Variants in ULBP1 observed in about 807,000 individuals in gnomAD.
The protein encoded by ULBP1 is UL16 binding protein 1.
Under a neutral mutation model 25.3 loss-of-function variants are expected in ULBP1, and 28 were observed. The ratio of observed to expected loss-of-function variants is 1.10; its 90% CI spans 0.82 to 1.51. ULBP1 has a LOEUF of 1.51. ULBP1 is among the 40% of genes most tolerant of loss of function. The probability of loss-of-function intolerance (pLI) is 0.00; values close to 1 mark genes in which losing one functional copy is unlikely to be tolerated. For synonymous variants in ULBP1, 129 were observed against 103.0 expected (o/e 1.25, Z -1.53); for missense variants, 348 against 290.9 (o/e 1.20, Z -1.43).
intron 1 of ULBP1, 78 bp downstream of exon 1, chr6:149,964,212 G>A: frequency 6.5e-7 from 1 of 1,537,590 alleles, no homozygotes; most frequent in Middle Eastern, 1.9e-4. Flanking sequence ...TTCAGAGGAG[G>A]GGAGGCTTCT....
intron 1 of ULBP1, 152 bp from the exon 2 acceptor site, chr6:149,968,455 A>G (rs1779242317): frequency 9.5e-7 from 1 of 1,049,092 alleles, no homozygotes; most frequent in Admixed American, 2.4e-5. Flanking sequence ...CTAGTCATTA[A>G]CTAGTTTTCA....
At chr6:149,967,095 C>T (rs1024779151) in intron 1 of ULBP1, among the ~76,000 whole-genome samples, 1 of 152,216 alleles carries the variant, frequency 6.6e-6, no homozygotes, top group Admixed American at 6.5e-5. Context: ...TAACTACAAA[C>T]ACTATCCATT....
Position 149,973,699 on chromosome 6 carries a change from T to C in ULBP1, c.*2353T>C, listed in dbSNP as rs1562497189. The C allele has an allele frequency of 6.6e-6, 1 of 152,244 alleles. No individual in the cohort carries two copies. Among genetic ancestry groups the C allele is most frequent in the African/African-American group, 2.4e-5 (1 of 41,462 alleles). 9.4% of individuals were successfully genotyped at this position (152,244 alleles called of 1,614,324 possible). On this transcript the variant is annotated 3_prime_UTR_variant, in exon 5 of 5. Transcript: ENST00000229708. ...GTGCCAAAACCCTACAATTAAACAC[T>C]GTATAATGGAATTACAGATGAGTTC...
chr6:149,970,241 C>T, intron 4 of ULBP1, 94 bp downstream of exon 4: 1 of 1,466,914 alleles, frequency 6.8e-7, no homozygotes, highest in Non-Finnish European at 9.1e-7. Flanking sequence ...AGGCCGGGAA[C>T]TTCTCATCCT....
chr6:149,970,250 C>G, intron 4 of ULBP1, 103 bp downstream of exon 4: 1 of 1,449,190 alleles, frequency 6.9e-7, no homozygotes, highest in East Asian at 2.5e-5. Flanking sequence ...ACTTCTCATC[C>G]TGACATTAGA....
rs1336030830 is a variant in ULBP1, at chr6:149,973,360, G to C, written c.*2014G>C. 2 of 152,128 alleles carry C rather than the reference G, an allele frequency of 1.3e-5. No individual in the cohort carries two copies. Among genetic ancestry groups the C allele is most frequent in the Non-Finnish European group, 2.9e-5 (2 of 68,026 alleles). The allele number at this position is 152,128 out of a possible 1,614,324, so 9.4% of individuals were successfully genotyped here. On this transcript the variant is annotated 3_prime_UTR_variant, in exon 5 of 5. Transcript: ENST00000229708. ...CCTGGGCTGAAAAACACACCTGTTGGGTATCATGCTTACTGTCTGGGCGAT... is the reference window on the plus strand; with the variant it reads ...CCTGGGCTGAAAAACACACCTGTTGCGTATCATGCTTACTGTCTGGGCGAT...
chr6:149,964,433 G>A (rs924025213), intron 1 of ULBP1, among the ~76,000 whole-genome samples: 15 of 149,664 alleles, frequency 1.0e-4, no homozygotes, highest in African/African-American at 3.5e-4. Context: ...CGCCGGGTCC[G>A]CTTCCTGCGG....
intron 1 of ULBP1, among the ~76,000 whole-genome samples, chr6:149,967,822 C>T (rs539897340): frequency 2.0e-5 from 3 of 152,260 alleles, no homozygotes; most frequent in East Asian, 1.9e-4. Flanking sequence ...TACCCCCAAC[C>T]CCGGCCTTCA....
intron 1 of ULBP1, among the ~76,000 whole-genome samples, chr6:149,965,069 G>A (rs1562493077): frequency 6.8e-6 from 1 of 147,924 alleles, no homozygotes; most frequent in African/African-American, 2.5e-5. Flanking sequence ...GCTTCTGGGT[G>A]GACCAGCGCG....
rs182740497 is a variant in ULBP1, at chr6:149,973,393, T to C, written c.*2047T>C. 1.7e-4 allele frequency: 26 copies of C among 152,296 alleles called. 1 individual carries two copies. The highest frequency in any genetic ancestry group is 1.2e-3 in the Admixed American group (19 of 15,308). 9.4% of individuals were successfully genotyped at this position (152,296 alleles called of 1,614,324 possible). On this transcript the variant is annotated 3_prime_UTR_variant, in exon 5 of 5. Transcript: ENST00000229708. ...GCTTACTGTCTGGGCGATGGGATCA[T>C]TGGGACACCAAGCCTCAGCTTCTCA...
chr6:149,968,504 C>A, intron 1 of ULBP1, 103 bp from the exon 2 acceptor site: 1 of 1,464,506 alleles, frequency 6.8e-7, no homozygotes, highest in Non-Finnish European at 9.2e-7. Context: ...TCTGCCAGCC[C>A]AGCCCCTCAG....
chr6:149,964,927 C>T (rs1779174300), intron 1 of ULBP1, among the ~76,000 whole-genome samples: 2 of 142,284 alleles, frequency 1.4e-5, no homozygotes, highest in African/African-American at 2.6e-5. Context: ...TGCGATCCCC[C>T]GAAACATTGC....
rs1206075489 is a variant in ULBP1, at chr6:149,969,372, G to T, written c.625+12G>T. On this transcript the variant is annotated intron_variant, in intron 3 of 4. Transcript: ENST00000229708. ...GCTGGATCCAACAAGTAAGTGAGAGGGGGATAAATGGAAGCTGTCTCGAGT... is the reference window on the plus strand; with the variant it reads ...GCTGGATCCAACAAGTAAGTGAGAGTGGGATAAATGGAAGCTGTCTCGAGT... The T allele has an allele frequency of 1.2e-6, 2 of 1,609,998 alleles. No individual in the cohort carries two copies. Among genetic ancestry groups the T allele is most frequent in the Non-Finnish European group, 1.7e-6 (2 of 1,177,022 alleles).
intron 3 of ULBP1, 119 bp from the exon 4 acceptor site, chr6:149,969,897 C>G: frequency 7.2e-7 from 1 of 1,380,814 alleles, no homozygotes; most frequent in Non-Finnish European, 9.8e-7. Context: ...GGTTGCCCCA[C>G]AGCAGAGGGG....
intron 4 of ULBP1, among the ~76,000 whole-genome samples, chr6:149,970,442 G>A (rs1490552773): frequency 1.3e-5 from 2 of 152,208 alleles, no homozygotes; most frequent in Admixed American, 1.3e-4. Flanking sequence ...GTTCCTATTC[G>A]GGATGGTGTG....
At position 149,972,724 on chromosome 6, in the gene ULBP1, C is replaced by T. The variant is rs1779339696; in HGVS notation, c.*1378C>T. The T allele has an allele frequency of 2.0e-5, 3 of 151,482 alleles. No homozygotes were observed. The highest frequency in any genetic ancestry group is 2.0e-4 in the Admixed American group (3 of 15,236). The allele number at this position is 151,482 out of a possible 1,614,324, so 9.4% of individuals were successfully genotyped here. A position where few individuals can be genotyped will look rare whatever the true frequency, so the allele number is the denominator to read the frequency against. On this transcript the variant is annotated 3_prime_UTR_variant, in exon 5 of 5. Coordinates refer to ENST00000229708, the MANE Select transcript of ULBP1 (RefSeq NM_025218.4). ...TGAACAGACACTTTTCAAAAGAAGA[C>T]CTACAATTGGCCAACAAACATGAAA...
At chr6:149,969,467 C>G in intron 3 of ULBP1, 107 bp downstream of exon 3, 1 of 1,487,902 alleles carries the variant, frequency 6.7e-7, no homozygotes, top group Non-Finnish European at 9.1e-7. Flanking sequence ...ATGAACATGA[C>G]CCCCTCATGG....
chr6:149,969,233 G>T lies in ULBP1; in HGVS notation c.498G>T (p.Lys166Asn). ...RKWTALHPGA[K>N]KMTEKWEKNR... Reference sequence around the variant, plus strand: ...GGACAGCACTTCATCCTGGAGCCAAGAAGATGACAGAGAAGTGGGAGAAGA... The same window carrying T: ...GGACAGCACTTCATCCTGGAGCCAATAAGATGACAGAGAAGTGGGAGAAGA... The change falls in exon 3 of 5, where the codon AAG (lysine) becomes AAT (asparagine). Residue 166 changes from lysine to asparagine, a missense_variant. Lys to Asn is a moderately conservative substitution (Grantham distance 94, BLOSUM62 0). Coordinates refer to ENST00000229708, the MANE Select transcript of ULBP1 (RefSeq NM_025218.4). 1 of 1,614,264 alleles carries T rather than the reference G, an allele frequency of 6.2e-7. No homozygotes were observed. The highest frequency in any genetic ancestry group is 1.1e-5 in the South Asian group (1 of 91,088).
chr6:149,964,364 C>A (rs1173715843), intron 1 of ULBP1, among the ~76,000 whole-genome samples: 1 of 148,706 alleles, frequency 6.7e-6, no homozygotes, highest in Non-Finnish European at 1.5e-5. Flanking sequence ...CCCCGAACAT[C>A]GTGATCTCCC....
Sources: gnomAD v4.1 joint callset for allele counts (sites outside exome capture counted in the v4.1 genomes callset) on GRCh38, gnomAD v4.1.1 for gene constraint, MANE v1.5 for transcripts, NCBI Gene and HGNC (gene_info 2026-07-23, HGNC 2026-07-21) for gene names.